HEATR4: variants seen among roughly 807,000 people sequenced by gnomAD.
HEATR4 encodes HEAT repeat-containing protein 4.
In HEATR4, 95 loss-of-function variants were observed where a neutral mutation model predicts 108.8. That is an observed-to-expected ratio of 0.87 (90% CI 0.74 to 1.04). The LOEUF is 1.04. Ranked by LOEUF, HEATR4 falls within the 50% of genes least tolerant of loss-of-function variation. The probability of loss-of-function intolerance (pLI) is 0.00; values close to 1 mark genes in which losing one functional copy is unlikely to be tolerated. For missense variants in HEATR4, 1,152 were observed against 1,253.8 expected, an observed-to-expected ratio of 0.92 and a Z score of 1.23; for synonymous variants, 443 against 459.4, an observed-to-expected ratio of 0.96 and a Z score of 0.46.
chr14:73,593,280 G>C, the HEATR4 span, among the ~76,000 whole-genome samples: 1 of 151,744 alleles, frequency 6.6e-6, no homozygotes, highest in Admixed American at 6.6e-5. Flanking sequence ...AAAAACCAGA[G>C]GGCTGATGCA....
chr14:73,592,319 G>T, the HEATR4 span: 1 of 1,609,854 alleles, frequency 6.2e-7, no homozygotes, highest in Non-Finnish European at 8.5e-7. Flanking sequence ...GACGGCTGCT[G>T]TGCCAGGCGC....
intron 1 of HEATR4, among the ~76,000 whole-genome samples, chr14:73,546,862 A>G (rs1889240590): frequency 9.6e-6 from 1 of 104,146 alleles, no homozygotes; most frequent in African/African-American, 2.9e-5. Context: ...CGAGGCGGGC[A>G]GATCACCTGA....
the HEATR4 span, among the ~76,000 whole-genome samples, chr14:73,589,838 C>T: frequency 6.6e-6 from 1 of 151,688 alleles, no homozygotes; most frequent in African/African-American, 2.4e-5. Context: ...AGAGTTTGTT[C>T]CTTCTGGTGG....
chr14:73,493,326 C>T, intron 16 of HEATR4: 1 of 547,118 alleles, frequency 1.8e-6, no homozygotes, highest in Non-Finnish European at 3.3e-6. Context: ...GGGTCGGGGT[C>T]AGTATCCTGT....
chr14:73,564,713 T>C, the HEATR4 span, among the ~76,000 whole-genome samples: 1 of 144,998 alleles, frequency 6.9e-6, no homozygotes, highest in South Asian at 2.2e-4. Flanking sequence ...TCATGTCTTA[T>C]CTTTTCTGTT....
the HEATR4 span, among the ~76,000 whole-genome samples, chr14:73,604,657 T>G: frequency 5.3e-5 from 8 of 152,072 alleles, no homozygotes; most frequent in African/African-American, 1.9e-4. Flanking sequence ...GGCTAATTTT[T>G]TTGTATTTTT....
At chr14:73,583,548 C>A in the HEATR4 span, among the ~76,000 whole-genome samples, 3 of 146,030 alleles carry the variant, frequency 2.1e-5, no homozygotes. Context: ...GGTGATGGTT[C>A]GACAGTTACC....
the HEATR4 span, chr14:73,595,849 G>T: frequency 1.9e-6 from 1 of 536,456 alleles, no homozygotes; most frequent in East Asian, 3.2e-5. Context: ...AGATTAAGAG[G>T]CATATGACAC....
rs1482106097 is a variant in HEATR4 at position 73,550,875 on chromosome 14, G to A, written c.-152+7876C>T. On this transcript the variant is annotated intron_variant, in intron 1 of 17. Transcript: ENST00000553558. ...AGGAACTCACTCACTAAAGAATGCA[G>A]TTTTTGCTGGGCGCGGTGGCATGGC... 7.8e-5 allele frequency among the ~76,000 whole-genome samples: 9 copies of A among 115,252 alleles called. 2 individuals are homozygous for A. The highest frequency in any genetic ancestry group is 2.3e-4 in the African/African-American group (8 of 35,472). The allele number at this position is 115,252 out of a possible 152,430, so 75.6% of individuals were successfully genotyped here. A position where few individuals can be genotyped will look rare whatever the true frequency, so the allele number is the denominator to read the frequency against.
chr14:73,599,338 CTAT>C, the HEATR4 span, among the ~76,000 whole-genome samples: 1 of 152,134 alleles, frequency 6.6e-6, no homozygotes, highest in Non-Finnish European at 1.5e-5. Context: ...TTTCAGTTAT[CTAT>C]TGTTGTGTAG....
rs1024986526 is a variant in HEATR4 at position 73,491,036 on chromosome 14, A to C, written c.2844+2030T>G. Reference sequence around the variant, plus strand: ...TCTGGCCATGGATGGGCTCCAGGCCAGTGCAGGGCCGTTGAGGCGCGGGCG... The same window carrying C: ...TCTGGCCATGGATGGGCTCCAGGCCCGTGCAGGGCCGTTGAGGCGCGGGCG... On this transcript the variant is annotated intron_variant, in intron 17 of 17. Coordinates refer to ENST00000553558, the MANE Select transcript of HEATR4 (RefSeq NM_001220484.1). 9 of 1,561,750 alleles carry C rather than the reference A, an allele frequency of 5.8e-6. No individual in the cohort carries two copies. The East Asian group carries it at 1.7e-4, about 29-fold the overall frequency.
the HEATR4 span, among the ~76,000 whole-genome samples, chr14:73,579,529 C>T: frequency 3.5e-5 from 5 of 141,184 alleles, no homozygotes; most frequent in East Asian, 2.1e-4. Flanking sequence ...GAGCCGAGAT[C>T]GTGCCACTGC....
chr14:73,526,809 A>C (rs983158068), intron 2 of HEATR4, among the ~76,000 whole-genome samples: 1 of 152,210 alleles, frequency 6.6e-6, no homozygotes. Context: ...TTCTGGCCAC[A>C]GGCCTTGGGC....
At position 73,491,675 on chromosome 14, in the gene HEATR4, C is replaced by T. The variant is rs1320945836; in HGVS notation, c.2844+1391G>A. ...GCCCATGCCGCCAGATCACTTTTAC[C>T]GGCGCCTATGGGAGCGCGAGGCGGT... On this transcript the variant is annotated intron_variant, in intron 17 of 17. Transcript: ENST00000553558. 1.7e-5 allele frequency: 26 copies of T among 1,549,896 alleles called. No homozygotes were observed. The East Asian group carries it at 5.9e-4, about 35-fold the overall frequency.
intron 14 of HEATR4, among the ~76,000 whole-genome samples, chr14:73,497,364 A>G (rs1048834716): frequency 6.6e-6 from 1 of 152,144 alleles, no homozygotes; most frequent in Non-Finnish European, 1.5e-5. Flanking sequence ...GAAGGTGCCA[A>G]TAGGTACCAT....
chr14:73,591,444 G>A, the HEATR4 span, among the ~76,000 whole-genome samples: 1 of 152,082 alleles, frequency 6.6e-6, no homozygotes, highest in Non-Finnish European at 1.5e-5. Context: ...TACTCGGGAG[G>A]CTGAGGCAGG....
chr14:73,526,881 GGT>G (rs1888372975), intron 2 of HEATR4, among the ~76,000 whole-genome samples: 1 of 152,036 alleles, frequency 6.6e-6, no homozygotes. Flanking sequence ...TGCCATCTGT[GGT>G]GGCCATGGGA....
the HEATR4 span, among the ~76,000 whole-genome samples, chr14:73,611,771 G>A: frequency 1.3e-5 from 2 of 152,118 alleles, no homozygotes; most frequent in East Asian, 1.9e-4. Flanking sequence ...AAGGATCAGG[G>A]TCAGACCAGA....
intron 4 of HEATR4, chr14:73,520,168 G>A (rs1200296678): frequency 6.6e-6 from 1 of 152,162 alleles, no homozygotes; most frequent in Non-Finnish European, 1.5e-5. Context: ...AACAAGATGG[G>A]GCTTGGGAAG....
Sources: gnomAD v4.1 joint callset for allele counts (sites outside exome capture counted in the v4.1 genomes callset) on GRCh38, gnomAD v4.1.1 for gene constraint, MANE v1.5 for transcripts, NCBI Gene and HGNC (gene_info 2026-07-23, HGNC 2026-07-21) for gene names.